Variants in RPS6KC1 observed in about 807,000 individuals in gnomAD.
RPS6KC1 encodes inactive ribosomal protein S6 kinase delta-1.
In RPS6KC1, 54 loss-of-function variants were observed where a neutral mutation model predicts 103.8. The ratio of observed to expected loss-of-function variants is 0.52; its 90% CI spans 0.42 to 0.65. The LOEUF (loss-of-function observed/expected upper bound fraction) is 0.65, where lower values mean the gene tolerates loss of function less well. RPS6KC1 is among the 30% of genes least tolerant of loss of function. The probability of loss-of-function intolerance (pLI) is 0.00; values close to 1 mark genes in which losing one functional copy is unlikely to be tolerated. For missense variants in RPS6KC1, 1,151 were observed against 1,253.8 expected, an observed-to-expected ratio of 0.92 and a Z score of 1.24; for synonymous variants, 439 against 438.7, an observed-to-expected ratio of 1.00 and a Z score of -0.01.
the RPS6KC1 span, among the ~76,000 whole-genome samples, chr1:213,614,654 T>G: frequency 6.6e-6 from 1 of 152,210 alleles, no homozygotes; most frequent in Non-Finnish European, 1.5e-5. Context: ...GTCCTTGTCC[T>G]TGTGCCTTGC....
the RPS6KC1 span, among the ~76,000 whole-genome samples, chr1:213,687,848 A>G: frequency 6.6e-6 from 1 of 152,208 alleles, no homozygotes; most frequent in Non-Finnish European, 1.5e-5. Flanking sequence ...ACACCAGCGT[A>G]TGTGCTTAGT....
At chr1:213,107,637 G>A (rs1180522487) in intron 4 of RPS6KC1, among the ~76,000 whole-genome samples, 1 of 152,174 alleles carries the variant, frequency 6.6e-6, no homozygotes, top group Non-Finnish European at 1.5e-5. Flanking sequence ...TCTTTGTGTG[G>A]ATATATGTTT....
At chr1:213,416,213 T>A in the RPS6KC1 span, among the ~76,000 whole-genome samples, 3 of 152,304 alleles carry the variant, frequency 2.0e-5, no homozygotes, top group Admixed American at 2.0e-4. Context: ...CCTGCAGGAA[T>A]GTGCTCCCAT....
chr1:213,669,738 C>T, the RPS6KC1 span, among the ~76,000 whole-genome samples: 1 of 152,138 alleles, frequency 6.6e-6, no homozygotes, highest in Non-Finnish European at 1.5e-5. Flanking sequence ...TACAAGCAGA[C>T]AGGTTTGATT....
the RPS6KC1 span, among the ~76,000 whole-genome samples, chr1:213,734,176 G>A: frequency 6.6e-6 from 1 of 152,228 alleles, no homozygotes; most frequent in Admixed American, 6.5e-5. Flanking sequence ...GAGCTGACCA[G>A]ATGACCACAG....
the RPS6KC1 span, among the ~76,000 whole-genome samples, chr1:213,362,254 G>A: frequency 6.6e-6 from 1 of 152,274 alleles, no homozygotes; most frequent in East Asian, 1.9e-4. Context: ...TTTATGCTAT[G>A]CTTGGAAGAA....
chr1:213,317,133 A>T, the RPS6KC1 span, among the ~76,000 whole-genome samples: 2 of 152,262 alleles, frequency 1.3e-5, no homozygotes, highest in African/African-American at 2.4e-5. Flanking sequence ...AATATATGAT[A>T]TTAAAATACA....
At chr1:213,121,588 C>G (rs1326293212) in intron 5 of RPS6KC1, among the ~76,000 whole-genome samples, 1 of 152,146 alleles carries the variant, frequency 6.6e-6, no homozygotes, top group Non-Finnish European at 1.5e-5. Flanking sequence ...TAGAAACCTG[C>G]CCAAATCGGT....
the RPS6KC1 span, among the ~76,000 whole-genome samples, chr1:213,760,458 G>A: frequency 2.9e-4 from 44 of 152,262 alleles, no homozygotes; most frequent in African/African-American, 1.0e-3. Context: ...GCAGGAGGAA[G>A]GAATATGAGT....
chr1:213,166,178 G>C (rs2090951401), intron 6 of RPS6KC1, among the ~76,000 whole-genome samples: 1 of 151,128 alleles, frequency 6.6e-6, no homozygotes, highest in Admixed American at 6.6e-5. Flanking sequence ...TAAACACACT[G>C]AATTAAAAAG....
chr1:213,657,625 A>G, the RPS6KC1 span, among the ~76,000 whole-genome samples: 1 of 152,322 alleles, frequency 6.6e-6, no homozygotes, highest in East Asian at 1.9e-4. Context: ...GCATTAGAGA[A>G]TTCAATTCCA....
chr1:213,580,814 T>A, the RPS6KC1 span, among the ~76,000 whole-genome samples: 2 of 147,100 alleles, frequency 1.4e-5, no homozygotes, highest in East Asian at 2.0e-4. Context: ...ATTATTTTTT[T>A]AAGACAAAAT....
chr1:213,424,664 C>T, the RPS6KC1 span, among the ~76,000 whole-genome samples: 2 of 152,216 alleles, frequency 1.3e-5, no homozygotes, highest in Admixed American at 6.5e-5. Flanking sequence ...CCAGCTACTG[C>T]GACTTTCATT....
chr1:213,726,485 C>T, the RPS6KC1 span, among the ~76,000 whole-genome samples: 1 of 152,200 alleles, frequency 6.6e-6, no homozygotes, highest in Non-Finnish European at 1.5e-5. Flanking sequence ...ATTTCTCTTT[C>T]CTGATGGTGT....
chr1:213,405,343 C>T, the RPS6KC1 span, among the ~76,000 whole-genome samples: 4 of 152,180 alleles, frequency 2.6e-5, no homozygotes, highest in African/African-American at 4.8e-5. Flanking sequence ...CACAAAATGT[C>T]GGGTTGGAGC....
the RPS6KC1 span, among the ~76,000 whole-genome samples, chr1:213,480,458 G>A: frequency 6.6e-6 from 1 of 151,816 alleles, no homozygotes; most frequent in Non-Finnish European, 1.5e-5. Context: ...ATTGATTTTT[G>A]TGTGCTTATC....
At chr1:213,488,324 T>A in the RPS6KC1 span, among the ~76,000 whole-genome samples, 1 of 152,356 alleles carries the variant, frequency 6.6e-6, no homozygotes, top group Non-Finnish European at 1.5e-5. Context: ...AGGACCATTA[T>A]AAACTGTTAT....
chr1:213,174,435 C>T lies in RPS6KC1; in HGVS notation c.952-1965C>T, dbSNP rs556629841. Among the ~76,000 whole-genome samples the T allele has an allele frequency of 3.3e-5, 5 of 152,156 alleles. No individual in the cohort carries two copies. The South Asian group carries it at 6.2e-4, about 19-fold the overall frequency. On this transcript the variant is annotated intron_variant, in intron 7 of 14. Transcript: ENST00000366960. ...CTTCAGTCCCAGCACTTTCGGAGGA[C>T]GAGGTGGGTGGATCACCTGAGGTCA... is the stretch of plus-strand genomic sequence containing the variant.
intron 2 of RPS6KC1, among the ~76,000 whole-genome samples, chr1:213,073,216 A>G (rs1476164735): frequency 6.6e-6 from 1 of 152,188 alleles, no homozygotes; most frequent in Non-Finnish European, 1.5e-5. Flanking sequence ...CTCTCCATTA[A>G]CTTATTCATT....
Sources: gnomAD v4.1 joint callset for allele counts (sites outside exome capture counted in the v4.1 genomes callset) on GRCh38, gnomAD v4.1.1 for gene constraint, MANE v1.5 for transcripts, NCBI Gene and HGNC (gene_info 2026-07-23, HGNC 2026-07-21) for gene names.